The following HDAC9 variants were observed in gnomAD, a reference collection of about 807,000 sequenced individuals.
The protein encoded by HDAC9 is MEF-2 interacting transcription repressor (MITR) protein.
A neutral mutation model predicts 139.4 loss-of-function variants in HDAC9; 41 were observed. The observed-to-expected ratio is 0.29, with a 90% CI of 0.23 to 0.38. The LOEUF (loss-of-function observed/expected upper bound fraction) is 0.38. HDAC9 is among the 10% of genes least tolerant of loss of function. The probability of loss-of-function intolerance (pLI) is 1.00; values close to 1 mark genes in which losing one functional copy is unlikely to be tolerated. For synonymous variants in HDAC9, 517 were observed against 476.2 expected, an observed-to-expected ratio of 1.09 and a Z score of -1.12; for missense variants, 1,147 against 1,297.0, an observed-to-expected ratio of 0.88 and a Z score of 1.78.
At chr7:18,992,182 T>C (rs958698274) in intron 25 of HDAC9, among the ~76,000 whole-genome samples, 1 of 152,230 alleles carries the variant, frequency 6.6e-6, no homozygotes, top group Non-Finnish European at 1.5e-5. Context: ...CATAAGTCTT[T>C]AGAGTACGTA....
intron 15 of HDAC9, 51 bp from the exon 16 acceptor site, chr7:18,767,055 A>T (rs568566851): frequency 1.1e-6 from 1 of 884,932 alleles, no homozygotes; most frequent in South Asian, 1.9e-5. Context: ...ACATTTTAAA[A>T]ATTATATAAC....
chr7:18,796,515 G>T (rs562900184), intron 17 of HDAC9, among the ~76,000 whole-genome samples: 1 of 152,322 alleles, frequency 6.6e-6, no homozygotes, highest in South Asian at 2.1e-4. Flanking sequence ...GACCTGCTCA[G>T]TGGAGCTCAG....
At chr7:18,578,200 T>C (rs1173077073) in intron 2 of HDAC9, 3 of 518,902 alleles carry the variant, frequency 5.8e-6, no homozygotes, top group Non-Finnish European at 1.2e-5. Flanking sequence ...GGGAAAATGT[T>C]TGGGCTTTGG....
intron 24 of HDAC9, among the ~76,000 whole-genome samples, chr7:18,957,140 A>G (rs1422515030): frequency 2.6e-5 from 4 of 152,274 alleles, no homozygotes; most frequent in South Asian, 2.1e-4. Flanking sequence ...GAAAGAAAAC[A>G]CAAGATCGGA....
At chr7:18,153,930 G>A (rs145620510) in intron 1 of HDAC9, among the ~76,000 whole-genome samples, 72 of 152,246 alleles carry the variant, frequency 4.7e-4, no homozygotes, top group African/African-American at 1.7e-3. Context: ...TGTCTTGGCT[G>A]GCTTAAAATT....
intron 2 of HDAC9, among the ~76,000 whole-genome samples, chr7:18,171,387 G>C (rs1458176229): frequency 1.3e-5 from 2 of 152,160 alleles, no homozygotes; most frequent in African/African-American, 4.8e-5. Flanking sequence ...CATGTCATCT[G>C]CAAACAGGGA....
At chr7:18,347,046 A>C (rs917216468) in intron 1 of HDAC9, among the ~76,000 whole-genome samples, 1 of 152,174 alleles carries the variant, frequency 6.6e-6, no homozygotes, top group Non-Finnish European at 1.5e-5. Flanking sequence ...GGGTTTTAAA[A>C]GTTGTTCATA....
chr7:18,130,294 C>G (rs1179987896), intron 1 of HDAC9, among the ~76,000 whole-genome samples: 1 of 152,000 alleles, frequency 6.6e-6, no homozygotes, highest in Non-Finnish European at 1.5e-5. Context: ...TAATGCTCAA[C>G]CTGTATAAAG....
At position 18,434,730 on chromosome 7, in the gene HDAC9, T is replaced by C. The variant is rs144279348; in HGVS notation, c.-41-61532T>C. Reference sequence around the variant, plus strand: ...CATCAGAATGCTTATTATTAAAAAGTCAAAAAATAACAAATGCTGATGAGA... The same window carrying C: ...CATCAGAATGCTTATTATTAAAAAGCCAAAAAATAACAAATGCTGATGAGA... On this transcript the variant is annotated intron_variant, in intron 1 of 3. Transcript: ENST00000413509. Among the ~76,000 whole-genome samples the C allele has an allele frequency of 1.7e-3, 257 of 151,832 alleles. 1 individual carries two copies. Among genetic ancestry groups the C allele is most frequent in the African/African-American group, 4.9e-3 (203 of 41,398 alleles).
At chr7:18,516,378 A>G (rs955134378) in intron 2 of HDAC9, among the ~76,000 whole-genome samples, 3 of 152,168 alleles carry the variant, frequency 2.0e-5, no homozygotes, top group African/African-American at 4.8e-5. Context: ...AGTCTTTGGT[A>G]TGTTCTGGAT....
intron 2 of HDAC9, among the ~76,000 whole-genome samples, chr7:18,563,319 T>C (rs1583425813): frequency 6.6e-6 from 1 of 152,148 alleles, no homozygotes; most frequent in African/African-American, 2.4e-5. Flanking sequence ...AAAATGTCTC[T>C]CAAAGTCATC....
At chr7:18,650,121 T>A (rs1253044901) in intron 11 of HDAC9, among the ~76,000 whole-genome samples, 1 of 152,176 alleles carries the variant, frequency 6.6e-6, no homozygotes, top group Non-Finnish European at 1.5e-5. Flanking sequence ...ACTCTGCATA[T>A]GTTTTCTATA....
chr7:18,176,275 G>T (rs1788894441), intron 2 of HDAC9, among the ~76,000 whole-genome samples: 1 of 152,086 alleles, frequency 6.6e-6, no homozygotes, highest in South Asian at 2.1e-4. Flanking sequence ...GAGATCTCCA[G>T]TGCTTTCTGA....
chr7:18,483,657 C>A (rs1795751702), intron 1 of HDAC9, among the ~76,000 whole-genome samples: 1 of 152,152 alleles, frequency 6.6e-6, no homozygotes, highest in African/African-American at 2.4e-5. Context: ...GAACTTCTGG[C>A]AGAATTTTTC....
intron 12 of HDAC9, among the ~76,000 whole-genome samples, chr7:18,675,027 A>AT (rs1781413455): frequency 6.6e-6 from 1 of 151,982 alleles, no homozygotes; most frequent in Admixed American, 6.6e-5. Flanking sequence ...TATAGTATTA[A>AT]TTTTTCTATT....
In HDAC9 at chr7:18,634,805, A is replaced by G. The variant is rs959807858; in HGVS notation, c.912+63A>G. ...ATTTCTGATTAGCTACCTAATACAA[A>G]GTGATATTTCTGAGTTGACCTTCAA... On this transcript the variant is annotated intron_variant, in intron 8 of 25. Coordinates refer to ENST00000686413, the MANE Select transcript of HDAC9 (RefSeq NM_178425.4). 5.9e-6 allele frequency: 6 copies of G among 1,015,316 alleles called. No homozygotes were observed. The African/African-American group carries it at 8.0e-5, about 14-fold the overall frequency. The allele number at this position is 1,015,316 out of a possible 1,614,324, so 62.9% of individuals were successfully genotyped here. A position where few individuals can be genotyped will look rare whatever the true frequency, so the allele number is the denominator to read the frequency against.
chr7:18,094,599 T>A (rs1782382467), intron 1 of HDAC9, among the ~76,000 whole-genome samples: 1 of 152,098 alleles, frequency 6.6e-6, no homozygotes, highest in South Asian at 2.1e-4. Flanking sequence ...ACCTGGCTAA[T>A]TAAAAAAAAT....
At chr7:18,562,128 C>A (rs1820808167) in intron 2 of HDAC9, among the ~76,000 whole-genome samples, 1 of 152,084 alleles carries the variant, frequency 6.6e-6, no homozygotes, top group Admixed American at 6.5e-5. Flanking sequence ...ATTTGTATAT[C>A]TTCTCTGGAG....
intron 12 of HDAC9, among the ~76,000 whole-genome samples, chr7:18,684,478 AAAC>A (rs1418916324): frequency 6.6e-5 from 10 of 151,898 alleles, no homozygotes; most frequent in African/African-American, 2.4e-4. Context: ...ACAAACAAAC[AAAC>A]AAACAAACAA....
Sources: allele counts gnomAD v4.1 joint callset (sites outside exome capture counted in the v4.1 genomes callset), GRCh38; gene constraint gnomAD v4.1.1; transcripts MANE v1.5; gene names NCBI Gene and HGNC (gene_info 2026-07-23, HGNC 2026-07-21).